The following LOXL2 variants were observed in gnomAD, a reference collection of about 807,000 sequenced individuals.
LOXL2 encodes lysyl oxidase homolog 2.
Under a neutral mutation model 93.0 loss-of-function variants are expected in LOXL2, and 70 were observed. That is an observed-to-expected ratio of 0.75 (90% CI 0.62 to 0.92). The LOEUF (loss-of-function observed/expected upper bound fraction) is 0.92, where lower values mean the gene tolerates loss of function less well. LOXL2 is among the 40% of genes least tolerant of loss of function. LOXL2 has a pLI of 0.00. For synonymous variants in LOXL2, 438 were observed against 413.2 expected, an observed-to-expected ratio of 1.06 and a Z score of -0.73; for missense variants, 973 against 1,054.9, an observed-to-expected ratio of 0.92 and a Z score of 1.08.
At chr8:23,361,707 G>A (rs553640433) in intron 2 of LOXL2, among the ~76,000 whole-genome samples, 44 of 152,264 alleles carry the variant, frequency 2.9e-4, no homozygotes, top group Admixed American at 5.2e-4. Flanking sequence ...CAGGCGTGGT[G>A]GCACGTGCCT....
rs1308939141 is a variant in LOXL2 at position 23,397,977 on chromosome 8, A to AG, written c.-84+5976_-84+5977insC. On this transcript the variant is annotated intron_variant, in intron 1 of 13. Transcript: ENST00000389131. ...CTCTGTCTCAAAAAAAAAAAAAAAAAAAAAAAAAGAAATGTGCTTTACTCA... is the reference window on the plus strand; with the variant it reads ...CTCTGTCTCAAAAAAAAAAAAAAAAAGAAAAAAAAGAAATGTGCTTTACTCA... Among the ~76,000 whole-genome samples, 17 of 142,956 alleles carry AG rather than the reference A, an allele frequency of 1.2e-4. No individual in the cohort carries two copies. In the South Asian group the frequency reaches 1.9e-3, roughly 16 times the overall value. The allele number at this position is 142,956 out of a possible 152,430, so 93.8% of individuals were successfully genotyped here.
intron 1 of LOXL2, among the ~76,000 whole-genome samples, chr8:23,396,583 C>T (rs1800091782): frequency 6.6e-6 from 1 of 152,240 alleles, no homozygotes; most frequent in Non-Finnish European, 1.5e-5. Flanking sequence ...ACAGGTTGTA[C>T]TCCCATCCCT....
intron 1 of LOXL2, among the ~76,000 whole-genome samples, chr8:23,369,717 C>T (rs1804466834): frequency 2.0e-5 from 3 of 152,124 alleles, no homozygotes; most frequent in Non-Finnish European, 1.5e-5. Context: ...CTGATGTCAC[C>T]GGAGAGCCAG....
chr8:23,344,229 G>C (rs2117185288), intron 3 of LOXL2, among the ~76,000 whole-genome samples: 1 of 152,372 alleles, frequency 6.6e-6, no homozygotes, highest in Non-Finnish European at 1.5e-5. Context: ...AGGGCTGGTG[G>C]GGAGAGCCCC....
chr8:23,330,807 G>T (rs75570820), intron 5 of LOXL2, among the ~76,000 whole-genome samples: 1 of 151,768 alleles, frequency 6.6e-6, no homozygotes, highest in South Asian at 2.1e-4. Flanking sequence ...GGTGTGGTGG[G>T]GGTTTGGGGG....
intron 7 of LOXL2, 21 bp downstream of exon 7, chr8:23,322,109 C>G (rs201330878): frequency 1.2e-6 from 2 of 1,612,828 alleles, no homozygotes; most frequent in Non-Finnish European, 1.7e-6. Flanking sequence ...ACAGTCCCCT[C>G]TAGGTGTCCA....
chr8:23,354,439 G>C (rs1167275255), intron 3 of LOXL2, among the ~76,000 whole-genome samples: 1 of 152,166 alleles, frequency 6.6e-6, no homozygotes, highest in African/African-American at 2.4e-5. Context: ...CCAAACTGGG[G>C]AAAGTCGAGG....
intron 1 of LOXL2, among the ~76,000 whole-genome samples, chr8:23,386,485 C>T (rs550948325): frequency 6.6e-6 from 1 of 152,296 alleles, no homozygotes; most frequent in East Asian, 1.9e-4. Context: ...ATCTACCCTT[C>T]CAGACATTTG....
At chr8:23,341,742 G>A (rs1253213204) in intron 3 of LOXL2, among the ~76,000 whole-genome samples, 1 of 152,200 alleles carries the variant, frequency 6.6e-6, no homozygotes, top group Non-Finnish European at 1.5e-5. Context: ...TCATACCCCA[G>A]GGGTGGGCAT....
rs529223675 is a variant in LOXL2, at chr8:23,374,577, G to A, written c.-83-6143C>T. The stretch of plus-strand genomic sequence containing the variant: ...TTACAGTCCCACCAACAGTGTAAAA[G>A]TGTTCCTATCTCTCCACATCCTCTC... On this transcript the variant is annotated intron_variant, in intron 1 of 13. Coordinates refer to ENST00000389131, the MANE Select transcript of LOXL2 (RefSeq NM_002318.3). Among the ~76,000 whole-genome samples, 848 of 152,324 alleles carry A rather than the reference G, an allele frequency of 5.6e-3. 5 individuals are homozygous for A. The highest frequency in any genetic ancestry group is 7.5e-3 in the Admixed American group (114 of 15,302).
At chr8:23,327,130 G>A (rs1323172816) in intron 6 of LOXL2, among the ~76,000 whole-genome samples, 1 of 152,178 alleles carries the variant, frequency 6.6e-6, no homozygotes, top group African/African-American at 2.4e-5. Flanking sequence ...ACTGGAATGC[G>A]GGCTTCCTTC....
intron 1 of LOXL2, chr8:23,371,205 G>A (rs1055876568): frequency 6.6e-6 from 1 of 152,182 alleles, no homozygotes; most frequent in Non-Finnish European, 1.5e-5. Flanking sequence ...GCCCAGTGAA[G>A]AGAACGAAGG....
At chr8:23,379,640 C>T (rs1003662402) in intron 1 of LOXL2, among the ~76,000 whole-genome samples, 5 of 71,654 alleles carry the variant, frequency 7.0e-5, no homozygotes, top group African/African-American at 2.7e-4. Flanking sequence ...CAATGGCGGG[C>T]GCCCCTCCCC....
At chr8:23,383,634 G>GGGCACTT (rs1233161379) in intron 1 of LOXL2, among the ~76,000 whole-genome samples, 23 of 147,694 alleles carry the variant, frequency 1.6e-4, no homozygotes, top group African/African-American at 5.8e-4. Context: ...ATTTCTAAGA[G>GGGCACTT]GGCACTTTTA....
At chr8:23,316,498 G>A (rs75674263) in intron 9 of LOXL2, among the ~76,000 whole-genome samples, 5,310 of 152,202 alleles carry the variant, frequency 0.035, 322 homozygotes, top group African/African-American at 0.12. Context: ...ATTCCCTTCT[G>A]TGGGCTCAAT....
chr8:23,321,072 C>A (rs1042807302), intron 7 of LOXL2, among the ~76,000 whole-genome samples: 2 of 74,628 alleles, frequency 2.7e-5, no homozygotes, highest in African/African-American at 8.3e-5. Flanking sequence ...TGGGTTTTAT[C>A]TCTCGTCTCT....
intron 3 of LOXL2, among the ~76,000 whole-genome samples, chr8:23,353,574 C>T (rs145084947): frequency 1.6e-3 from 243 of 152,102 alleles, no homozygotes; most frequent in Admixed American, 4.8e-3. Context: ...TGAGAATATA[C>T]AATAAGATAT....
At chr8:23,361,476 T>C (rs2117206211) in intron 2 of LOXL2, among the ~76,000 whole-genome samples, 1 of 152,254 alleles carries the variant, frequency 6.6e-6, no homozygotes, top group Non-Finnish European at 1.5e-5. Flanking sequence ...AAGTAGAGAA[T>C]TCAGCGTGCA....
intron 7 of LOXL2, among the ~76,000 whole-genome samples, chr8:23,320,725 T>C (rs572192949): frequency 4.5e-4 from 69 of 152,080 alleles, no homozygotes; most frequent in African/African-American, 1.6e-3. Context: ...CTGCGCAACA[T>C]AGTGAGACCC....
Sources: allele counts gnomAD v4.1 joint callset (sites outside exome capture counted in the v4.1 genomes callset), GRCh38; gene constraint gnomAD v4.1.1; transcripts MANE v1.5; gene names NCBI Gene and HGNC (gene_info 2026-07-23, HGNC 2026-07-21).